The following HMGCLL1 variants were observed in gnomAD, a reference collection of about 807,000 sequenced individuals.
The protein encoded by HMGCLL1 is 3-hydroxy-3-methylglutaryl-CoA lyase like 1, also known as 3-hydroxymethyl-3-methylglutaryl-CoA lyase, cytoplasmic.
In HMGCLL1, 36 loss-of-function variants were observed where a neutral mutation model predicts 39.1. The ratio of observed to expected loss-of-function variants is 0.92; its 90% CI spans 0.71 to 1.22. The LOEUF is 1.22. HMGCLL1 is among the 50% of genes most tolerant of loss of function. The probability of loss-of-function intolerance (pLI) is 0.00; values close to 1 mark genes in which losing one functional copy is unlikely to be tolerated. For synonymous variants in HMGCLL1, 149 were observed against 144.0 expected (o/e 1.03, Z -0.25); for missense variants, 451 against 416.5 (o/e 1.08, Z -0.72).
the HMGCLL1 span, among the ~76,000 whole-genome samples, chr6:55,667,535 T>C: frequency 6.6e-6 from 1 of 151,800 alleles, no homozygotes; most frequent in African/African-American, 2.4e-5. Flanking sequence ...AGGAGGCTTT[T>C]TCACATCAGA....
At chr6:55,629,691 G>T in the HMGCLL1 span, among the ~76,000 whole-genome samples, 1 of 152,118 alleles carries the variant, frequency 6.6e-6, no homozygotes, top group Non-Finnish European at 1.5e-5. Context: ...TGTGCTGTGA[G>T]CAACCTAGGG....
intron 3 of HMGCLL1, among the ~76,000 whole-genome samples, chr6:55,541,472 C>T (rs1769428326): frequency 6.6e-6 from 1 of 151,998 alleles, no homozygotes; most frequent in Non-Finnish European, 1.5e-5. Context: ...AGGGCAGACC[C>T]CCTAAAATGC....
the HMGCLL1 span, among the ~76,000 whole-genome samples, chr6:55,589,049 A>G: frequency 2.0e-5 from 3 of 152,154 alleles, no homozygotes; most frequent in Non-Finnish European, 4.4e-5. Context: ...TCCCTAACTC[A>G]TTTTATGAGG....
At chr6:55,544,831 T>G (rs1301573955) in intron 1 of HMGCLL1, among the ~76,000 whole-genome samples, 2 of 152,150 alleles carry the variant, frequency 1.3e-5, no homozygotes, top group African/African-American at 4.8e-5. Context: ...TTTTCTTTTC[T>G]GCATTTTCTG....
chr6:55,647,645 C>G, the HMGCLL1 span, among the ~76,000 whole-genome samples: 1 of 150,644 alleles, frequency 6.6e-6, no homozygotes, highest in African/African-American at 2.4e-5. Context: ...ACTGCATAAA[C>G]AAACAAACAC....
intron 7 of HMGCLL1, among the ~76,000 whole-genome samples, chr6:55,476,270 T>C (rs116090198): frequency 0.015 from 2,223 of 151,794 alleles, 32 homozygotes; most frequent in Non-Finnish European, 0.025. Context: ...ACTTTCTATA[T>C]AGTAATATAA....
In HMGCLL1 at chr6:55,543,180, TAA is replaced by T. The variant is rs1769619920; in HGVS notation, c.109-1042_109-1041del. ...TATTATATATATAATATATAATATA[TAA>T]TATATAATATATTATATATTATATA... On this transcript the variant is annotated intron_variant, in intron 1 of 8. Coordinates refer to ENST00000274901, the MANE Select transcript of HMGCLL1 (RefSeq NM_001042406.2). Among the ~76,000 whole-genome samples the T allele has an allele frequency of 6.0e-4, 6 of 9,966 alleles. 1 individual carries two copies. Among genetic ancestry groups the T allele is most frequent in the African/African-American group, 1.3e-3 (6 of 4,482 alleles). The allele number at this position is 9,966 out of a possible 152,430, so 6.5% of individuals were successfully genotyped here. A position where few individuals can be genotyped will look rare whatever the true frequency, so the allele number is the denominator to read the frequency against.
chr6:55,609,438 GCCAGACC>G, the HMGCLL1 span, among the ~76,000 whole-genome samples: 1 of 152,218 alleles, frequency 6.6e-6, no homozygotes, highest in South Asian at 2.1e-4. Context: ...AGCCTTTTAG[GCCAGACC>G]CTGACCCATT....
intron 3 of HMGCLL1, among the ~76,000 whole-genome samples, chr6:55,535,586 G>C (rs6905376): frequency 0.61 from 91,867 of 151,840 alleles, 28,647 homozygotes; most frequent in Admixed American, 0.69. Flanking sequence ...CTCATTTGGA[G>C]ATAATTTGGT....
chr6:55,500,578 T>G (rs990893975), intron 5 of HMGCLL1, among the ~76,000 whole-genome samples: 4 of 151,944 alleles, frequency 2.6e-5, no homozygotes, highest in African/African-American at 9.7e-5. Flanking sequence ...TTAAATAGTT[T>G]TATAAGCCAT....
At chr6:55,612,424 C>T in the HMGCLL1 span, among the ~76,000 whole-genome samples, 1 of 152,148 alleles carries the variant, frequency 6.6e-6, no homozygotes, top group African/African-American at 2.4e-5. Flanking sequence ...CATTTACATT[C>T]TTCACAGAAT....
At chr6:55,448,983 C>A (rs1365909405) in intron 7 of HMGCLL1, among the ~76,000 whole-genome samples, 1 of 152,164 alleles carries the variant, frequency 6.6e-6, no homozygotes, top group Non-Finnish European at 1.5e-5. Flanking sequence ...AGAATGATAT[C>A]ATCTAAGTTT....
At chr6:55,575,380 A>T (rs1368669290) in intron 1 of HMGCLL1, among the ~76,000 whole-genome samples, 1 of 152,084 alleles carries the variant, frequency 6.6e-6, no homozygotes, top group Non-Finnish European at 1.5e-5. Flanking sequence ...TAATATGTAT[A>T]TGTGTATATA....
the HMGCLL1 span, among the ~76,000 whole-genome samples, chr6:55,587,128 A>G: frequency 6.6e-6 from 1 of 152,002 alleles, no homozygotes; most frequent in South Asian, 2.1e-4. Context: ...TTCGATTTGC[A>G]TTTCTCTGAT....
At chr6:55,624,981 G>A in the HMGCLL1 span, among the ~76,000 whole-genome samples, 1 of 152,116 alleles carries the variant, frequency 6.6e-6, no homozygotes, top group Non-Finnish European at 1.5e-5. Flanking sequence ...TGTTGTGAAA[G>A]CTGCTCTGCC....
At chr6:55,553,248 CGTGT>C (rs70986735) in intron 1 of HMGCLL1, among the ~76,000 whole-genome samples, 20 of 143,722 alleles carry the variant, frequency 1.4e-4, no homozygotes, top group South Asian at 9.1e-4. Flanking sequence ...TACATATATA[CGTGT>C]GTGTGTGTGT....
the HMGCLL1 span, among the ~76,000 whole-genome samples, chr6:55,661,595 T>A: frequency 6.6e-6 from 1 of 152,092 alleles, no homozygotes; most frequent in Non-Finnish European, 1.5e-5. Context: ...ATCAGTACCA[T>A]GCTCTTTTGG....
the HMGCLL1 span, among the ~76,000 whole-genome samples, chr6:55,659,726 TCTTTGTTCTTCACTTTA>T: frequency 6.6e-6 from 1 of 151,896 alleles, no homozygotes; most frequent in Non-Finnish European, 1.5e-5. Flanking sequence ...CAGACATGTA[TCTTTGTTCTTCACTTTA>T]TGCTGTATTC....
At chr6:55,677,719 T>A in the HMGCLL1 span, among the ~76,000 whole-genome samples, 1 of 152,222 alleles carries the variant, frequency 6.6e-6, no homozygotes, top group Non-Finnish European at 1.5e-5. Flanking sequence ...CTTAATCCAG[T>A]CTACTTGTGG....
Sources: gnomAD v4.1 joint callset for allele counts (sites outside exome capture counted in the v4.1 genomes callset) on GRCh38, gnomAD v4.1.1 for gene constraint, MANE v1.5 for transcripts, NCBI Gene and HGNC (gene_info 2026-07-23, HGNC 2026-07-21) for gene names.